STEAP1: variants seen among roughly 807,000 people sequenced by gnomAD.
STEAP1 encodes the protein STEAP family member 1, also known as STEAP1 protein.
STEAP1 carries 30 observed loss-of-function variants against 34.4 expected under a neutral mutation model. The ratio of observed to expected loss-of-function variants is 0.87; its 90% CI spans 0.65 to 1.18. STEAP1 has a LOEUF of 1.18. STEAP1 is among the 50% of genes most tolerant of loss of function. The probability of loss-of-function intolerance (pLI) is 0.00; values close to 1 mark genes in which losing one functional copy is unlikely to be tolerated. For synonymous variants in STEAP1, 116 were observed against 135.3 expected, an observed-to-expected ratio of 0.86 and a Z score of 0.99; for missense variants, 318 against 391.1, an observed-to-expected ratio of 0.81 and a Z score of 1.58.
chr7:90,162,215 T>C, intron 4 of STEAP1, 137 bp downstream of exon 4: 4 of 1,310,158 alleles, frequency 3.1e-6, no homozygotes, highest in Non-Finnish European at 3.0e-6. Context: ...CAATTAATAA[T>C]GTGCTCTCCT....
Position 90,161,255 on chromosome 7 carries a change from AGTCT to A in STEAP1, c.540_543del (p.Ser181ThrfsTer3). 1 of 1,614,168 alleles carries A rather than the reference AGTCT, an allele frequency of 6.2e-7. No individual in the cohort carries two copies. Among genetic ancestry groups the A allele is most frequent in the Non-Finnish European group, 8.5e-7 (1 of 1,180,022 alleles). On this transcript the variant is annotated frameshift_variant, in exon 3 of 5. Transcript: ENST00000297205. LOFTEE classifies it high-confidence loss of function. Reference sequence around the variant, plus strand: ...TTTTGCTGTACTGCATGCAATTTATAGTCTGTCTTACCCAATGAGGCGATCCTAC... The same window carrying A: ...TTTTGCTGTACTGCATGCAATTTATAGTCTTACCCAATGAGGCGATCCTAC...
intron 1 of STEAP1, among the ~76,000 whole-genome samples, chr7:90,158,101 T>TA (rs1453522347): frequency 6.6e-6 from 1 of 152,158 alleles, no homozygotes; most frequent in Admixed American, 6.5e-5. Context: ...GTACAAAAGA[T>TA]AAAAAATTGT....
chr7:90,162,107 G>C (rs1421586846), intron 4 of STEAP1, 29 bp downstream of exon 4: 1 of 1,556,516 alleles, frequency 6.4e-7, no homozygotes, highest in South Asian at 1.2e-5. Context: ...AACCCTAAGA[G>C]GTAAATCTTC....
At chr7:90,164,364 A>G in intron 4 of STEAP1, 113 bp from the exon 5 acceptor site, 1 of 1,247,246 alleles carries the variant, frequency 8.0e-7, no homozygotes, top group Non-Finnish European at 1.1e-6. Context: ...GAAATGTGAT[A>G]GGAAAACAAT....
intron 1 of STEAP1, among the ~76,000 whole-genome samples, chr7:90,155,424 G>A (rs1297925978): frequency 6.6e-6 from 1 of 152,158 alleles, no homozygotes; most frequent in African/African-American, 2.4e-5. Context: ...GTTGGGCTGT[G>A]CCAACATTTA....
chr7:90,157,180 A>T (rs1389252621), intron 1 of STEAP1, among the ~76,000 whole-genome samples: 1 of 150,724 alleles, frequency 6.6e-6, no homozygotes, highest in Admixed American at 6.6e-5. Context: ...AACTTAAACC[A>T]AAAAAAAAGG....
chr7:90,159,960 AAGTGATTTTTCACCCT>A (rs1182096279), intron 2 of STEAP1, 88 bp downstream of exon 2: 1 of 971,360 alleles, frequency 1.0e-6, no homozygotes, highest in Non-Finnish European at 1.4e-6. Flanking sequence ...AGTGTTATGA[AAGTGATTTTTCACCCT>A]AGTCTGCTGA....
At chr7:90,154,582 T>TC (rs2115951422) in intron 1 of STEAP1, 39 bp downstream of exon 1, 1 of 153,112 alleles carries the variant, frequency 6.5e-6, no homozygotes, top group Admixed American at 6.5e-5. Context: ...CGTTTGCTCC[T>TC]CGAGTCCGCC....
chr7:90,154,975 G>C (rs1189107742), intron 1 of STEAP1, among the ~76,000 whole-genome samples: 1 of 152,184 alleles, frequency 6.6e-6, no homozygotes, highest in Non-Finnish European at 1.5e-5. Flanking sequence ...CCTGGTAACA[G>C]AGGTTTTCAT....
chr7:90,161,098 G>C lies in STEAP1; in HGVS notation c.378G>C (p.Leu126Phe), dbSNP rs758441219. 6.2e-7 allele frequency: 1 copy of C among 1,613,914 alleles called. No homozygotes were observed. Among genetic ancestry groups the C allele is most frequent in the Non-Finnish European group, 8.5e-7 (1 of 1,179,858 alleles). ...KVLPMVSITL[L>F]ALVYLPGVIA... Reference sequence around the variant, plus strand: ...TGCCAATGGTTTCCATCACTCTCTTGGCATTGGTTTACCTGCCAGGTGTGA... The same window carrying C: ...TGCCAATGGTTTCCATCACTCTCTTCGCATTGGTTTACCTGCCAGGTGTGA... The change falls in exon 3 of 5, where the codon TTG becomes TTC. Residue 126 changes from leucine to phenylalanine, a missense_variant. Physicochemically the swap from Leu to Phe is conservative, Grantham distance 22. Coordinates refer to ENST00000297205, the MANE Select transcript of STEAP1 (RefSeq NM_012449.3).
At chr7:90,160,289 A>G (rs6965789) in intron 2 of STEAP1, among the ~76,000 whole-genome samples, 46,151 of 152,014 alleles carry the variant, frequency 0.3, 8,138 homozygotes, top group East Asian at 0.73. Flanking sequence ...GCTTACCAAG[A>G]GATCAGTAAA....
intron 1 of STEAP1, among the ~76,000 whole-genome samples, chr7:90,155,910 C>A (rs1206575091): frequency 6.6e-6 from 1 of 152,190 alleles, no homozygotes; most frequent in South Asian, 2.1e-4. Context: ...TAGAAGACAG[C>A]GCTGAGCCTT....
Position 90,160,861 on chromosome 7 carries a change from C to G in STEAP1, c.141C>G (p.His47Gln), listed in dbSNP as rs4015375. Reference protein sequence around the residue: ...MLKRPVLLHLHQTAHADEFDC... With the variant: ...MLKRPVLLHLQQTAHADEFDC... ...AAAGACCTGTGCTTTTGCATTTGCACCAAACAGCCCATGCTGATGAATTTG... is the reference window on the plus strand; with the variant it reads ...AAAGACCTGTGCTTTTGCATTTGCAGCAAACAGCCCATGCTGATGAATTTG... Residue 47 changes from histidine to glutamine, a missense_variant, in exon 3 of 5, where the codon CAC becomes CAG. His to Gln is a conservative substitution (Grantham distance 24). Transcript: ENST00000297205. The G allele has an allele frequency of 1.1e-3, 1,546 of 1,448,078 alleles. No homozygotes were observed. The highest frequency in any genetic ancestry group is 4.5e-3 in the African/African-American group (299 of 66,050). 89.7% of individuals were successfully genotyped at this position (1,448,078 alleles called of 1,614,324 possible). A position where few individuals can be genotyped will look rare whatever the true frequency, so the allele number is the denominator to read the frequency against.
Position 90,164,615 on chromosome 7 carries a change from G to T in STEAP1, c.901G>T (p.Val301Phe), listed in dbSNP as rs778884891. 1 of 1,613,706 alleles carries T rather than the reference G, an allele frequency of 6.2e-7. No homozygotes were observed. The highest frequency in any genetic ancestry group is 8.5e-7 in the Non-Finnish European group (1 of 1,179,816). The change falls in exon 5 of 5, where the codon GTC becomes TTC. Residue 301 changes from valine to phenylalanine, a missense_variant. Coordinates refer to ENST00000297205, the MANE Select transcript of STEAP1 (RefSeq NM_012449.3). ...FMIAVFLPIV[V>F]LIFKSILFLP... ...GATAGCTGTTTTCCTTCCAATTGTTGTCCTGATATTTAAAAGCATACTATT... is the reference window on the plus strand; with the variant it reads ...GATAGCTGTTTTCCTTCCAATTGTTTTCCTGATATTTAAAAGCATACTATT...
At chr7:90,162,257 A>G in intron 4 of STEAP1, 179 bp downstream of exon 4, 5 of 878,668 alleles carry the variant, frequency 5.7e-6, no homozygotes, top group Non-Finnish European at 7.8e-6. Flanking sequence ...AATTAGGACA[A>G]GTGTTTCCTA....
At chr7:90,156,441 G>A (rs1338569791) in intron 1 of STEAP1, among the ~76,000 whole-genome samples, 1 of 152,172 alleles carries the variant, frequency 6.6e-6, no homozygotes, top group Non-Finnish European at 1.5e-5. Context: ...TAGTGCAGGG[G>A]TACCCAACCC....
chr7:90,163,179 T>G (rs1248637866), intron 4 of STEAP1: 1 of 209,474 alleles, frequency 4.8e-6, no homozygotes, highest in Non-Finnish European at 1.1e-5. Flanking sequence ...AGGCATCTGA[T>G]TAGTTTGGAA....
chr7:90,156,284 A>T (rs896423386), intron 1 of STEAP1, among the ~76,000 whole-genome samples: 1 of 151,890 alleles, frequency 6.6e-6, no homozygotes, highest in Non-Finnish European at 1.5e-5. Flanking sequence ...TATGTTGGTG[A>T]TATGGTTTGG....
At chr7:90,164,053 T>C (rs149078287) in intron 4 of STEAP1, among the ~76,000 whole-genome samples, 2 of 152,324 alleles carry the variant, frequency 1.3e-5, no homozygotes, top group East Asian at 1.9e-4. Flanking sequence ...ATCTAAAATG[T>C]ACAAATCATT....
Sources: allele counts gnomAD v4.1 joint callset (sites outside exome capture counted in the v4.1 genomes callset), GRCh38; gene constraint gnomAD v4.1.1; transcripts MANE v1.5; gene names NCBI Gene and HGNC (gene_info 2026-07-23, HGNC 2026-07-21).